The following RGL1 variants were observed in gnomAD, a reference collection of about 807,000 sequenced individuals.
RGL1 encodes the protein ral guanine nucleotide dissociation stimulator like 1.
Under a neutral mutation model 95.2 loss-of-function variants are expected in RGL1, and 24 were observed. The observed-to-expected ratio is 0.25, with a 90% CI of 0.18 to 0.35. The LOEUF is 0.35. Among genes scored for constraint, RGL1 ranks in the 10% least tolerant of loss-of-function variants. The pLI is 1.00. For synonymous variants in RGL1, 329 were observed against 344.9 expected (o/e 0.95, Z 0.51); for missense variants, 715 against 936.3 (o/e 0.76, Z 3.08).
intron 2 of RGL1, among the ~76,000 whole-genome samples, chr1:183,832,186 G>A (rs1309045050): frequency 6.6e-6 from 1 of 152,214 alleles, no homozygotes; most frequent in Non-Finnish European, 1.5e-5. Flanking sequence ...TGAGGCTGAG[G>A]AATGAGAATG....
Position 183,912,162 on chromosome 1 carries a change from G to A in RGL1, c.1643G>A (p.Gly548Asp). ...AAGTCCACTGCCAGCGGGAGCTCTGGTGAAAGCATGGACTCTGTCAGCGTG... is the reference window on the plus strand; with the variant it reads ...AAGTCCACTGCCAGCGGGAGCTCTGATGAAAGCATGGACTCTGTCAGCGTG... ...QPKSTASGSS[G>D]ESMDSVSVSS... Residue 548 changes from glycine to aspartate, a missense_variant, in exon 15 of 18, where the codon GGT (glycine) becomes GAT (aspartate). Gly to Asp is a moderately conservative substitution (Grantham distance 94, BLOSUM62 -1). Coordinates refer to ENST00000360851, the MANE Select transcript of RGL1 (RefSeq NM_001297671.3). 6.2e-7 allele frequency: 1 copy of A among 1,614,098 alleles called. No homozygotes were observed. Among genetic ancestry groups the A allele is most frequent in the Non-Finnish European group, 8.5e-7 (1 of 1,180,012 alleles).
rs146632961 is a variant in RGL1 at position 183,677,826 on chromosome 1, C to T, written c.-33+41325C>T. Among the ~76,000 whole-genome samples the T allele has an allele frequency of 2.9e-4, 44 of 152,198 alleles. No individual in the cohort carries two copies. The East Asian group carries it at 6.8e-3, about 23-fold the overall frequency. On this transcript the variant is annotated intron_variant, in intron 1 of 18. Transcript: ENST00000304685. ...AGGGGTGAGGGAAGCAAGGTTGTCA[C>T]GTAGGTAGTGAGGCGGAGAGCTGGG...
intron 4 of RGL1, among the ~76,000 whole-genome samples, chr1:183,876,175 C>T (rs1424564118): frequency 6.6e-6 from 1 of 152,146 alleles, no homozygotes; most frequent in Non-Finnish European, 1.5e-5. Flanking sequence ...TGATGCTCAT[C>T]GCATAAATTG....
At chr1:183,869,317 G>A (rs984640886) in intron 4 of RGL1, among the ~76,000 whole-genome samples, 1 of 152,196 alleles carries the variant, frequency 6.6e-6, no homozygotes, top group Non-Finnish European at 1.5e-5. Context: ...TCCAAGCTAA[G>A]CTGTTTTAAA....
chr1:183,897,533 A>G (rs1278210470), intron 9 of RGL1, among the ~76,000 whole-genome samples: 1 of 151,232 alleles, frequency 6.6e-6, no homozygotes, highest in Non-Finnish European at 1.5e-5. Context: ...TTCCCAGCAG[A>G]GTGAGACTTC....
At chr1:183,812,649 A>G (rs529198060) in intron 2 of RGL1, among the ~76,000 whole-genome samples, 3 of 152,380 alleles carry the variant, frequency 2.0e-5, no homozygotes, top group Non-Finnish European at 4.4e-5. Context: ...GCCCAGAATC[A>G]GGGGCATTTA....
At chr1:183,859,122 C>T (rs933000263) in intron 3 of RGL1, among the ~76,000 whole-genome samples, 5 of 152,176 alleles carry the variant, frequency 3.3e-5, no homozygotes, top group African/African-American at 9.7e-5. Context: ...TCATTGTAGC[C>T]TCATCCATTG....
Position 183,812,733 on chromosome 1 carries a change from C to T in RGL1, c.138+6248C>T, listed in dbSNP as rs539483065. On this transcript the variant is annotated intron_variant, in intron 2 of 17. Transcript: ENST00000360851. ...AGAGGGCCCTTCAGTGGAGAAGTGACGGATGAGTGAGAGTTAAATGAGGGC... is the reference window on the plus strand; with the variant it reads ...AGAGGGCCCTTCAGTGGAGAAGTGATGGATGAGTGAGAGTTAAATGAGGGC... 7.2e-5 allele frequency among the ~76,000 whole-genome samples: 11 copies of T among 152,100 alleles called. No homozygotes were observed. The South Asian group carries it at 1.0e-3, about 14-fold the overall frequency.
intron 1 of RGL1, among the ~76,000 whole-genome samples, chr1:183,707,540 G>C (rs993634503): frequency 9.9e-5 from 15 of 152,186 alleles, no homozygotes; most frequent in African/African-American, 3.4e-4. Context: ...AGAAGGAAGA[G>C]CCTGGAAGTG....
intron 2 of RGL1, among the ~76,000 whole-genome samples, chr1:183,785,263 A>C (rs1238107640): frequency 6.6e-6 from 1 of 152,182 alleles, no homozygotes; most frequent in African/African-American, 2.4e-5. Flanking sequence ...AGGTGTATCA[A>C]ACTATTTTCG....
At chr1:183,687,719 A>G (rs2102100612) in intron 1 of RGL1, among the ~76,000 whole-genome samples, 1 of 152,320 alleles carries the variant, frequency 6.6e-6, no homozygotes, top group South Asian at 2.1e-4. Context: ...AAGTGAATGC[A>G]AAACATCTTT....
chr1:183,788,741 T>C (rs187794796), intron 2 of RGL1, among the ~76,000 whole-genome samples: 2 of 152,372 alleles, frequency 1.3e-5, no homozygotes, highest in Admixed American at 6.5e-5. Flanking sequence ...ATTATACTAT[T>C]AAAACAAATT....
chr1:183,705,045 G>A (rs1654818780), intron 1 of RGL1, among the ~76,000 whole-genome samples: 1 of 152,150 alleles, frequency 6.6e-6, no homozygotes, highest in African/African-American at 2.4e-5. Flanking sequence ...GTGAGGACGG[G>A]GGCTGAGGCG....
At chr1:183,752,625 C>A (rs199598139) in intron 2 of RGL1, among the ~76,000 whole-genome samples, 4 of 10,840 alleles carry the variant, frequency 3.7e-4, no homozygotes, top group Non-Finnish European at 8.9e-4. Flanking sequence ...TTTTTTTTTT[C>A]CTTTGTACTT....
chr1:183,908,558 A>G (rs1668471259), intron 14 of RGL1, among the ~76,000 whole-genome samples: 1 of 152,128 alleles, frequency 6.6e-6, no homozygotes, highest in South Asian at 2.1e-4. Flanking sequence ...TTTTCATAGT[A>G]TCTTGCTGTC....
At chr1:183,885,022 T>C in intron 7 of RGL1, 84 bp downstream of exon 7, 1 of 1,240,084 alleles carries the variant, frequency 8.1e-7, no homozygotes, top group Non-Finnish European at 1.1e-6. Context: ...TTTAGCTGTT[T>C]GGTTGAAAAG....
At position 183,916,515 on chromosome 1, in the gene RGL1, C is replaced by T. The variant is rs781287059; in HGVS notation, c.1818C>T (p.Ser606=). Reference sequence around the variant, plus strand: ...ACACAAATTCCTCAGGGATGTCTTCCTTAATCAACCCCCTCTCCTCCCCTC... The same window carrying T: ...ACACAAATTCCTCAGGGATGTCTTCTTTAATCAACCCCCTCTCCTCCCCTC... ...SMDTNSSGMS[S]LINPLSSPPS... is the part of the protein sequence containing the mutation. The change falls in exon 16 of 18, where the codon TCC becomes TCT. Residue 606 remains serine (S), a synonymous_variant. Coordinates refer to ENST00000360851, the MANE Select transcript of RGL1 (RefSeq NM_001297671.3). The T allele has an allele frequency of 6.2e-7, 1 of 1,613,876 alleles. No homozygotes were observed. The highest frequency in any genetic ancestry group is 8.5e-7 in the Non-Finnish European group (1 of 1,179,984).
At chr1:183,797,505 A>G (rs772470817) in intron 2 of RGL1, among the ~76,000 whole-genome samples, 14 of 152,196 alleles carry the variant, frequency 9.2e-5, no homozygotes, top group Non-Finnish European at 1.9e-4. Context: ...ACGTCTGCCT[A>G]AAGTGGGCTT....
intron 2 of RGL1, among the ~76,000 whole-genome samples, chr1:183,794,580 C>G (rs1660602196): frequency 6.6e-6 from 1 of 152,170 alleles, no homozygotes; most frequent in Non-Finnish European, 1.5e-5. Context: ...CTCTTGTTCA[C>G]ACTGTTCATT....
Sources: gnomAD v4.1 joint callset for allele counts (sites outside exome capture counted in the v4.1 genomes callset) on GRCh38, gnomAD v4.1.1 for gene constraint, MANE v1.5 for transcripts, NCBI Gene and HGNC (gene_info 2026-07-23, HGNC 2026-07-21) for gene names.